The following FGF11 variants were observed in gnomAD, a reference collection of about 807,000 sequenced individuals.
The protein encoded by FGF11 is fibroblast growth factor 11, also known as fibroblast growth factor homologous factor 3.
In FGF11, 25 loss-of-function variants were observed where a neutral mutation model predicts 25.1. The observed-to-expected ratio is 1.00, with a 90% CI of 0.73 to 1.39. FGF11 has a LOEUF of 1.39. FGF11 is among the 40% of genes most tolerant of loss of function. The pLI is 0.00. For synonymous variants in FGF11, 130 were observed against 128.9 expected (o/e 1.01, Z -0.06); for missense variants, 320 against 311.0 (o/e 1.03, Z -0.22).
chr17:7,444,782 C>G lies in FGF11; in HGVS notation c.*1636C>G. On this transcript the variant is annotated 3_prime_UTR_variant, in exon 5 of 5. Transcript: ENST00000293829. ...TAAGGCTCCAAGGCAGGTCACTTTT[C>G]CTTAGGCTGTTCTACTTCTGGCTTG... 1 of 431,828 alleles carries G rather than the reference C, an allele frequency of 2.3e-6. No individual in the cohort carries two copies. The highest frequency in any genetic ancestry group is 4.3e-6 in the Non-Finnish European group (1 of 234,370). The allele number at this position is 431,828 out of a possible 1,614,324, so 26.7% of individuals were successfully genotyped here. A position where few individuals can be genotyped will look rare whatever the true frequency, so the allele number is the denominator to read the frequency against.
In FGF11 at chr17:7,439,732, C is replaced by G. The variant is rs1289071984; in HGVS notation, c.112C>G (p.Leu38Val). ...CGTGTGTCCCCGCGGCACCAAGTCC[C>G]TTTGCCAGAAGCAGCTCCTCATCCT... is the stretch of plus-strand genomic sequence containing the variant. ...RRVCPRGTKSLCQKQLLILLS... is the reference protein window; with the variant it reads ...RRVCPRGTKSVCQKQLLILLS... The change falls in exon 1 of 5, where the codon CTT (leucine) becomes GTT (valine). Residue 38 changes from leucine (L) to valine (V), a missense_variant. Leu to Val is a conservative substitution (Grantham distance 32, BLOSUM62 1). Coordinates refer to ENST00000293829, the MANE Select transcript of FGF11 (RefSeq NM_004112.4). 1 of 1,574,792 alleles carries G rather than the reference C, an allele frequency of 6.4e-7. No individual in the cohort carries two copies. The highest frequency in any genetic ancestry group is 1.4e-5 in the African/African-American group (1 of 71,604).
Position 7,442,652 on chromosome 17 carries a change from T to C in FGF11, c.467T>C (p.Leu156Pro). The change falls in exon 4 of 5, where the codon CTG becomes CCG. Residue 156 changes from leucine (L) to proline (P), a missense_variant. Physicochemically the swap from Leu to Pro is moderately conservative, Grantham distance 98. Coordinates refer to ENST00000293829, the MANE Select transcript of FGF11 (RefSeq NM_004112.4). ...KECVFENYYVLYASALYRQRR... is the reference protein window; with the variant it reads ...KECVFENYYVPYASALYRQRR... Reference sequence around the variant, plus strand: ...TGTGTCTTTGAGAATTACTACGTCCTGTACGCCTCTGCTCTCTACCGCCAG... The same window carrying C: ...TGTGTCTTTGAGAATTACTACGTCCCGTACGCCTCTGCTCTCTACCGCCAG... 6.2e-7 allele frequency: 1 copy of C among 1,614,244 alleles called. No homozygotes were observed. Among genetic ancestry groups the C allele is most frequent in the East Asian group, 2.2e-5 (1 of 44,884 alleles).
upstream of FGF11, chr17:7,439,465 A>T: frequency 3.2e-6 from 1 of 315,506 alleles, no homozygotes; most frequent in Non-Finnish European, 4.9e-6. Flanking sequence ...GGGGTACGTG[A>T]GGGGGGGGGT....
intron 4 of FGF11, 21 bp from the exon 5 acceptor site, chr17:7,443,055 C>G: frequency 6.3e-7 from 1 of 1,599,132 alleles, no homozygotes; most frequent in Non-Finnish European, 8.6e-7. Context: ...TTCCCTGCTC[C>G]TCTCTTTCTC....
chr17:7,442,831 G>A (rs1908397700), intron 4 of FGF11, 39 bp downstream of exon 4: 1 of 1,595,314 alleles, frequency 6.3e-7, no homozygotes, highest in Non-Finnish European at 8.6e-7. Flanking sequence ...CACAGGAGAG[G>A]GTATTGACCT....
In FGF11 at chr17:7,443,118, C is replaced by G; in HGVS notation, c.650C>G (p.Ala217Gly). ...CCTTCTCTCCACAGTGTCCCCGAGG[C>G]CTCCCCTTCCAGTCCCCCTGCCCCC... ...QEPSLHSVPE[A>G]SPSSPPAP The change falls in exon 5 of 5, where the codon GCC becomes GGC. Residue 217 changes from alanine to glycine, a missense_variant. Ala to Gly is a moderately conservative substitution (Grantham distance 60, BLOSUM62 0). Transcript: ENST00000293829. 6.2e-7 allele frequency: 1 copy of G among 1,611,280 alleles called. No individual in the cohort carries two copies. The highest frequency in any genetic ancestry group is 8.5e-7 in the Non-Finnish European group (1 of 1,177,786).
upstream of FGF11, chr17:7,438,422 G>A (rs1235319494): frequency 6.5e-6 from 1 of 153,446 alleles, no homozygotes; most frequent in African/African-American, 2.4e-5. Flanking sequence ...CCGAGGGTCC[G>A]GGACGCCTAG....
intron 3 of FGF11, 125 bp downstream of exon 3, chr17:7,442,004 G>A (rs112801489): frequency 1.8e-5 from 13 of 708,826 alleles, no homozygotes; most frequent in African/African-American, 7.2e-5. Flanking sequence ...CTCCAGCTTT[G>A]CTGATGGCCT....
rs1908409462 is a variant in FGF11 at position 7,443,067 on chromosome 17, C to T, written c.608-9C>T. The T allele has an allele frequency of 6.2e-7, 1 of 1,608,372 alleles. No individual in the cohort carries two copies. Among genetic ancestry groups the T allele is most frequent in the Admixed American group, 1.7e-5 (1 of 59,898 alleles). On this transcript the variant is annotated splice_polypyrimidine_tract_variant and intron_variant, in intron 4 of 4. Transcript: ENST00000293829. ...TCCTTCCCTGCTCCTCTCTTTCTCC[C>T]CTTCACAGTGGCCATGTACCAGGAG...
At position 7,441,570 on chromosome 17, in the gene FGF11, C is replaced by G. The variant is rs766129751; in HGVS notation, c.293C>G (p.Thr98Ser). 6 of 1,614,060 alleles carry G rather than the reference C, an allele frequency of 3.7e-6. No homozygotes were observed. The highest frequency in any genetic ancestry group is 1.7e-5 in the Admixed American group (1 of 59,998). ...DGSIQGTPEDTSSFTHFNLIP... is the reference protein window; with the variant it reads ...DGSIQGTPEDSSSFTHFNLIP... ...AGCATCCAGGGCACCCCAGAGGATA[C>G]CAGCTCCTTCAGTGAGAGGGGAAGC... Residue 98 changes from threonine (T) to serine (S), a missense_variant, in exon 2 of 5, where the codon ACC becomes AGC. Physicochemically the swap from Thr to Ser is moderately conservative, Grantham distance 58. Transcript: ENST00000293829.
upstream of FGF11, chr17:7,438,557 G>A (rs1908163392): frequency 6.5e-6 from 1 of 153,004 alleles, no homozygotes; most frequent in African/African-American, 2.4e-5. Flanking sequence ...AAAAGGAAGA[G>A]GGGGTGCTAT....
At position 7,443,179 on chromosome 17, in the gene FGF11, TC is replaced by T; in HGVS notation, c.*36del. 7.2e-7 allele frequency: 1 copy of T among 1,385,180 alleles called. No individual in the cohort carries two copies. Among genetic ancestry groups the T allele is most frequent in the Non-Finnish European group, 1.0e-6 (1 of 982,292 alleles). 85.8% of individuals were successfully genotyped at this position (1,385,180 alleles called of 1,614,324 possible). ...TCCCTGGACTGGAGGTTCCCTGCAC[TC>T]CCAGTGAGCCAGCCACCACCACAAC... is the stretch of plus-strand genomic sequence containing the variant. On this transcript the variant is annotated 3_prime_UTR_variant, in exon 5 of 5. Coordinates refer to ENST00000293829, the MANE Select transcript of FGF11 (RefSeq NM_004112.4).
Position 7,443,427 on chromosome 17 carries a change from CT to C in FGF11, c.*285del. Reference sequence around the variant, plus strand: ...TTTCCACACTCACACAACGCCATGCCTTTTCCTGAGATGGCGCTGGGAGTTC... The same window carrying C: ...TTTCCACACTCACACAACGCCATGCCTTTCCTGAGATGGCGCTGGGAGTTC... On this transcript the variant is annotated 3_prime_UTR_variant, in exon 5 of 5. Coordinates refer to ENST00000293829, the MANE Select transcript of FGF11 (RefSeq NM_004112.4). 2 of 366,712 alleles carry C rather than the reference CT, an allele frequency of 5.5e-6. No homozygotes were observed. The highest frequency in any genetic ancestry group is 9.9e-6 in the Non-Finnish European group (2 of 202,958). 22.7% of individuals were successfully genotyped at this position (366,712 alleles called of 1,614,324 possible).
Position 7,441,963 on chromosome 17 carries a change from C to T in FGF11, c.408+84C>T, listed in dbSNP as rs746313741. On this transcript the variant is annotated intron_variant, in intron 3 of 4. Transcript: ENST00000293829. ...CCCTTGAGGGAATGACAACCTTCCT[C>T]AACTACAGACATTTTGCCCGGGACT... The T allele has an allele frequency of 5.8e-6, 6 of 1,036,116 alleles. 1 individual carries two copies. The South Asian group carries it at 6.6e-5, about 11-fold the overall frequency. The allele number at this position is 1,036,116 out of a possible 1,614,324, so 64.2% of individuals were successfully genotyped here. A position where few individuals can be genotyped will look rare whatever the true frequency, so the allele number is the denominator to read the frequency against.
In FGF11 at chr17:7,440,072, C is replaced by G; in HGVS notation, c.193+259C>G. ...CCCCGAAAGCCTCGTAGTTCCTGCT[C>G]GTCCCCCCTTCCCAACACAGCAGTC... On this transcript the variant is annotated intron_variant, in intron 1 of 4. Coordinates refer to ENST00000293829, the MANE Select transcript of FGF11 (RefSeq NM_004112.4). The surrounding 1 kb of genome is among the most constrained non-coding windows in gnomAD (Gnocchi z 5.4). 1 of 380,490 alleles carries G rather than the reference C, an allele frequency of 2.6e-6. No individual in the cohort carries two copies. Among genetic ancestry groups the G allele is most frequent in the Non-Finnish European group, 4.7e-6 (1 of 214,330 alleles). 23.6% of individuals were successfully genotyped at this position (380,490 alleles called of 1,614,324 possible). A position where few individuals can be genotyped will look rare whatever the true frequency, so the allele number is the denominator to read the frequency against.
intron 4 of FGF11, 137 bp from the exon 5 acceptor site, chr17:7,442,939 G>A: frequency 1.7e-6 from 2 of 1,161,386 alleles, no homozygotes; most frequent in East Asian, 4.7e-5. Flanking sequence ...TTGGGGGTTT[G>A]GGTGCGGTCC....
chr17:7,444,367 C>G lies in FGF11; in HGVS notation c.*1221C>G, dbSNP rs1292747432. ...CTCAGCAGGAATTCCTTCCAGGTCC[C>G]CTTTAAAGCTGAGGTCCTTAGAGTA... is the stretch of plus-strand genomic sequence containing the variant. On this transcript the variant is annotated 3_prime_UTR_variant, in exon 5 of 5. Coordinates refer to ENST00000293829, the MANE Select transcript of FGF11 (RefSeq NM_004112.4). 1.3e-5 allele frequency: 2 copies of G among 152,474 alleles called. No homozygotes were observed. The allele number at this position is 152,474 out of a possible 1,614,324, so 9.4% of individuals were successfully genotyped here. A position where few individuals can be genotyped will look rare whatever the true frequency, so the allele number is the denominator to read the frequency against.
At chr17:7,441,159 A>C (rs1908304618) in intron 1 of FGF11, 2 of 339,488 alleles carry the variant, frequency 5.9e-6, no homozygotes, top group Non-Finnish European at 1.1e-5. Context: ...CTTTTGATAT[A>C]TCTCTCCCCT....
In FGF11 at chr17:7,440,548, C is replaced by A; in HGVS notation, c.193+735C>A. The A allele has an allele frequency of 1.8e-6, 1 of 564,070 alleles. No homozygotes were observed. Among genetic ancestry groups the A allele is most frequent in the Non-Finnish European group, 2.2e-6 (1 of 444,868 alleles). The allele number at this position is 564,070 out of a possible 1,614,324, so 34.9% of individuals were successfully genotyped here. A position where few individuals can be genotyped will look rare whatever the true frequency, so the allele number is the denominator to read the frequency against. ...GGGTCGTACCACCTACAAGGGGGGA[C>A]AGGGAAGTCGGCAGAGAGCAAGCGA... is the stretch of plus-strand genomic sequence containing the variant. On this transcript the variant is annotated intron_variant, in intron 1 of 4. Coordinates refer to ENST00000293829, the MANE Select transcript of FGF11 (RefSeq NM_004112.4). This position sits in a 1 kb window ranked among gnomAD's most constrained non-coding sequence, Gnocchi z 5.4.
Sources: gnomAD v4.1 joint callset for allele counts on GRCh38, gnomAD v4.1.1 for gene constraint, Gnocchi (gnomAD v3.1) non-coding constraint, MANE v1.5 for transcripts, NCBI Gene and HGNC (gene_info 2026-07-23, HGNC 2026-07-21) for gene names.